CAMSAP1: variants seen among roughly 807,000 people sequenced by gnomAD.
CAMSAP1 encodes calmodulin-regulated spectrin-associated protein 1.
CAMSAP1 carries 58 observed loss-of-function variants against 143.5 expected under a neutral mutation model. That is an observed-to-expected ratio of 0.40 (90% CI 0.33 to 0.50). CAMSAP1 has a LOEUF of 0.50. Among genes scored for constraint, CAMSAP1 ranks in the 20% least tolerant of loss-of-function variants. The pLI, the probability that CAMSAP1 is intolerant of heterozygous loss-of-function variation, is 0.45. For missense variants in CAMSAP1, 1,969 were observed against 2,115.7 expected, an observed-to-expected ratio of 0.93 and a Z score of 1.36; for synonymous variants, 945 against 859.3, an observed-to-expected ratio of 1.10 and a Z score of -1.74.
At chr9:135,859,837 C>T (rs1299345244) in intron 5 of CAMSAP1, among the ~76,000 whole-genome samples, 1 of 151,990 alleles carries the variant, frequency 6.6e-6, no homozygotes, top group Non-Finnish European at 1.5e-5. Context: ...GTCTTAAGAT[C>T]CCCAACAGAC....
rs201788311 is a variant in CAMSAP1, at chr9:135,826,894, G to GA, written c.1223+512dup. Among the ~76,000 whole-genome samples, 963 of 152,178 alleles carry GA rather than the reference G, an allele frequency of 6.3e-3. 3 individuals carry two copies. The highest frequency in any genetic ancestry group is 0.02 in the Middle Eastern group (6 of 294). ...GTCTTCATGATGAAAATTCATTTTA[G>GA]AAAAAACGTTTTTTAAACAACTCTT... On this transcript the variant is annotated intron_variant, in intron 8 of 16. Transcript: ENST00000389532. This position sits in a 1 kb window ranked among gnomAD's most constrained non-coding sequence, Gnocchi z 4.4.
intron 7 of CAMSAP1, among the ~76,000 whole-genome samples, chr9:135,841,025 T>C (rs1836326995): frequency 6.6e-6 from 1 of 152,118 alleles, no homozygotes; most frequent in African/African-American, 2.4e-5. Flanking sequence ...GAAAGGGTGC[T>C]GAAGTCAGGG....
At chr9:135,855,776 G>A (rs1255775830) in intron 5 of CAMSAP1, among the ~76,000 whole-genome samples, 1 of 150,772 alleles carries the variant, frequency 6.6e-6, no homozygotes, top group African/African-American at 2.4e-5. Context: ...AAAAAGGCCG[G>A]GTGCGGTGGC....
chr9:135,827,700 C>CA (rs565593662), intron 7 of CAMSAP1, 116 bp from the exon 8 acceptor site: 252 of 974,748 alleles, frequency 2.6e-4, no homozygotes, highest in South Asian at 4.6e-4. Flanking sequence ...AAACTTCTGC[C>CA]AAAAAAAACT....
In CAMSAP1 at chr9:135,818,114, C is replaced by T. The variant is rs765878441; in HGVS notation, c.4169-35G>A. On this transcript the variant is annotated intron_variant, in intron 13 of 16. Coordinates refer to ENST00000389532, the MANE Select transcript of CAMSAP1 (RefSeq NM_015447.4). This position sits in a 1 kb window ranked among gnomAD's most constrained non-coding sequence, Gnocchi z 7.7. ...ACAGAAACAGACGACGGTTCATGAA[C>T]GGATTCCGACAGACAAGTACCTGTC... is the stretch of plus-strand genomic sequence containing the variant. 3 of 1,598,880 alleles carry T rather than the reference C, an allele frequency of 1.9e-6. No individual in the cohort carries two copies. Among genetic ancestry groups the T allele is most frequent in the East Asian group, 2.2e-5 (1 of 44,672 alleles).
intron 7 of CAMSAP1, among the ~76,000 whole-genome samples, chr9:135,835,060 A>C (rs1835972709): frequency 6.6e-6 from 1 of 152,012 alleles, no homozygotes; most frequent in Non-Finnish European, 1.5e-5. Flanking sequence ...CTGGACTCTG[A>C]GGGCCCTTGT....
chr9:135,837,628 GTC>G (rs1836128268), intron 7 of CAMSAP1, among the ~76,000 whole-genome samples: 1 of 138,434 alleles, frequency 7.2e-6, no homozygotes, highest in Non-Finnish European at 1.5e-5. Flanking sequence ...ACAGACACAC[GTC>G]ATCACGCACT....
chr9:135,856,648 G>A (rs184166835), intron 5 of CAMSAP1, among the ~76,000 whole-genome samples: 4 of 152,248 alleles, frequency 2.6e-5, no homozygotes, highest in Admixed American at 2.0e-4. Context: ...TCTCCCCAGT[G>A]GCCACACAGC....
chr9:135,866,266 G>A (rs950108525), intron 4 of CAMSAP1, 190 bp downstream of exon 4: 14 of 547,998 alleles, frequency 2.6e-5, no homozygotes, highest in South Asian at 1.3e-4. Flanking sequence ...CAGGAGAGGC[G>A]GGGCAGGCTG....
chr9:135,898,316 T>C (rs1270655602), intron 1 of CAMSAP1, among the ~76,000 whole-genome samples: 1 of 152,178 alleles, frequency 6.6e-6, no homozygotes, highest in Non-Finnish European at 1.5e-5. Flanking sequence ...AGGATCTCTG[T>C]ATAGTATTTC....
At chr9:135,906,367 G>A (rs1287987247) in intron 1 of CAMSAP1, among the ~76,000 whole-genome samples, 1 of 152,220 alleles carries the variant, frequency 6.6e-6, no homozygotes, top group Non-Finnish European at 1.5e-5. Flanking sequence ...AGAATCACTA[G>A]GTCTGTCCTG....
At chr9:135,866,051 G>GCA (rs1175487915) in intron 4 of CAMSAP1, among the ~76,000 whole-genome samples, 1 of 152,216 alleles carries the variant, frequency 6.6e-6, no homozygotes. Flanking sequence ...CATGGCACAG[G>GCA]CACACAGGTA....
intron 7 of CAMSAP1, among the ~76,000 whole-genome samples, chr9:135,843,194 G>A (rs912152812): frequency 6.6e-6 from 1 of 152,112 alleles, no homozygotes; most frequent in Non-Finnish European, 1.5e-5. Flanking sequence ...AGGTGTGGTG[G>A]CACAGGCCTG....
At chr9:135,838,068 C>T (rs996505248) in intron 7 of CAMSAP1, among the ~76,000 whole-genome samples, 3 of 150,998 alleles carry the variant, frequency 2.0e-5, no homozygotes, top group Non-Finnish European at 4.4e-5. Context: ...CACTTTCCAC[C>T]CATTCTACAG....
chr9:135,885,466 T>C (rs1009473), intron 1 of CAMSAP1, among the ~76,000 whole-genome samples: 70,286 of 151,934 alleles, frequency 0.46, 16,895 homozygotes, highest in African/African-American at 0.56. Context: ...CTCAGAGTGA[T>C]GGCTCTGTGC....
intron 1 of CAMSAP1, among the ~76,000 whole-genome samples, chr9:135,904,656 A>C (rs772035461): frequency 2.6e-5 from 4 of 152,064 alleles, no homozygotes; most frequent in Admixed American, 6.5e-5. Context: ...AGAATGTAAA[A>C]GCCCTCTCTC....
rs150096487 is a variant in CAMSAP1, at chr9:135,821,435, C to T, written c.3226G>A (p.Val1076Met). The T allele has an allele frequency of 1.7e-4, 273 of 1,614,054 alleles. 3 individuals carry two copies. The African/African-American group carries it at 2.9e-3, about 17-fold the overall frequency. The change falls in exon 11 of 17, where the codon GTG (valine) becomes ATG (methionine). Residue 1076 changes from valine to methionine, a missense_variant. Physicochemically the swap from Val to Met is conservative, Grantham distance 21. This residue lies in a region of CAMSAP1 where 1,390 missense variants were observed against 1,420.8 expected (regional missense o/e 0.98). Transcript: ENST00000389532. This position sits in a 1 kb window ranked among gnomAD's most constrained non-coding sequence, Gnocchi z 4.6. Reference sequence around the variant, plus strand: ...ACGCCCGTGGGAGAGAGTGGCTCCACGAAGTGGACTGGTGCCTTCACTTTG... The same window carrying T: ...ACGCCCGTGGGAGAGAGTGGCTCCATGAAGTGGACTGGTGCCTTCACTTTG... ...DHKVKAPVHF[V>M]EPLSPTGVAG...
chr9:135,864,650 G>A (rs1837311224), intron 4 of CAMSAP1, among the ~76,000 whole-genome samples: 1 of 152,184 alleles, frequency 6.6e-6, no homozygotes, highest in Admixed American at 6.5e-5. Flanking sequence ...GCCACCAGGT[G>A]GAGCACAACT....
At chr9:135,815,315 C>G (rs774563332) in intron 15 of CAMSAP1, 100 bp from the exon 16 acceptor site, 70 of 597,778 alleles carry the variant, frequency 1.2e-4, no homozygotes, top group Non-Finnish European at 1.7e-4. Flanking sequence ...AATGGGTAGG[C>G]TGAATTACAG....
Sources: gnomAD v4.1 joint callset for allele counts (sites outside exome capture counted in the v4.1 genomes callset) on GRCh38, gnomAD v4.1.1 for gene constraint, gnomAD v4.1.1 regional missense constraint, Gnocchi (gnomAD v3.1) non-coding constraint, MANE v1.5 for transcripts, NCBI Gene and HGNC (gene_info 2026-07-23, HGNC 2026-07-21) for gene names.